Variants in FOXP2 observed in about 807,000 individuals in gnomAD.
FOXP2 encodes the protein forkhead box P2.
A neutral mutation model predicts 115.8 loss-of-function variants in FOXP2; 12 were observed. The observed-to-expected ratio is 0.10, with a 90% confidence interval of 0.07 to 0.17. FOXP2 has a LOEUF of 0.17. FOXP2 is among the 10% of genes least tolerant of loss of function. FOXP2 has a pLI of 1.00. For synonymous variants in FOXP2, 328 were observed against 297.7 expected, an observed-to-expected ratio of 1.10 and a Z score of -1.05; for missense variants, 629 against 843.5, an observed-to-expected ratio of 0.75 and a Z score of 3.15.
chr7:114,462,936 G>A, intron 2 of FOXP2: 1 of 286,244 alleles, frequency 3.5e-6, no homozygotes, highest in Non-Finnish European at 7.0e-6. Flanking sequence ...TCTTTTTATA[G>A]CAAATGATAC....
chr7:114,271,554 T>C (rs1796041805), intron 1 of FOXP2, among the ~76,000 whole-genome samples: 1 of 126,616 alleles, frequency 7.9e-6, no homozygotes, highest in Non-Finnish European at 1.6e-5. Flanking sequence ...TATATTATAA[T>C]ATATAATATA....
chr7:114,628,750 G>A (rs747426910), intron 4 of FOXP2, 73 bp downstream of exon 4: 47 of 1,583,076 alleles, frequency 3.0e-5, no homozygotes, highest in African/African-American at 2.2e-4. Context: ...AGTGCAGTGG[G>A]CATATTTGAC....
chr7:114,299,491 AT>A (rs888164418), intron 2 of FOXP2, among the ~76,000 whole-genome samples: 12 of 151,562 alleles, frequency 7.9e-5, no homozygotes, highest in South Asian at 4.1e-4. Flanking sequence ...GCTTATTTAT[AT>A]TTTTTTATTA....
At chr7:114,328,719 A>G (rs1315411212) in intron 2 of FOXP2, among the ~76,000 whole-genome samples, 1 of 152,226 alleles carries the variant, frequency 6.6e-6, no homozygotes, top group Admixed American at 6.5e-5. Flanking sequence ...TATTACCTTT[A>G]TACTGAAATA....
intron 2 of FOXP2, among the ~76,000 whole-genome samples, chr7:114,366,138 T>C (rs1272923280): frequency 6.6e-6 from 1 of 152,148 alleles, no homozygotes; most frequent in Non-Finnish European, 1.5e-5. Flanking sequence ...TTTCCAGGCA[T>C]CTTTTTTGTC....
intron 2 of FOXP2, among the ~76,000 whole-genome samples, chr7:114,328,131 G>A (rs1033325435): frequency 6.6e-6 from 1 of 151,084 alleles, no homozygotes; most frequent in Non-Finnish European, 1.5e-5. Context: ...TGTTTCCCAG[G>A]CTAGACTCAA....
At chr7:114,509,270 G>T (rs1357773950) in intron 2 of FOXP2, among the ~76,000 whole-genome samples, 2 of 151,048 alleles carry the variant, frequency 1.3e-5, no homozygotes, top group Non-Finnish European at 3.0e-5. Context: ...TGGTTTTTTT[G>T]TTTGTTTGTT....
intron 1 of FOXP2, among the ~76,000 whole-genome samples, chr7:114,222,531 G>A (rs770256219): frequency 4.6e-5 from 7 of 152,194 alleles, no homozygotes; most frequent in South Asian, 2.1e-4. Context: ...CATTTACTAC[G>A]TGCCTGGCCT....
chr7:114,212,463 G>C (rs1456497730), intron 1 of FOXP2, among the ~76,000 whole-genome samples: 3 of 151,764 alleles, frequency 2.0e-5, no homozygotes, highest in African/African-American at 7.3e-5. Flanking sequence ...CTGGCTTTGT[G>C]AGAATCAGAA....
At chr7:114,455,767 C>T (rs889962068) in intron 2 of FOXP2, among the ~76,000 whole-genome samples, 25 of 152,210 alleles carry the variant, frequency 1.6e-4, no homozygotes, top group Middle Eastern at 3.4e-3. Context: ...CTGACCCTAC[C>T]GCTTTTTCTC....
At chr7:114,257,909 G>A (rs761741328) in intron 1 of FOXP2, among the ~76,000 whole-genome samples, 1 of 152,196 alleles carries the variant, frequency 6.6e-6, no homozygotes, top group Non-Finnish European at 1.5e-5. Flanking sequence ...GGAGGCCAGG[G>A]AGTAAGAGAA....
At chr7:114,519,873 A>G (rs1798526799) in intron 2 of FOXP2, among the ~76,000 whole-genome samples, 1 of 152,100 alleles carries the variant, frequency 6.6e-6, no homozygotes, top group Non-Finnish European at 1.5e-5. Flanking sequence ...TTAATTTCCA[A>G]TTTTATCCGT....
intron 2 of FOXP2, among the ~76,000 whole-genome samples, chr7:114,385,940 G>A (rs1030059054): frequency 3.3e-5 from 5 of 152,186 alleles, no homozygotes; most frequent in Non-Finnish European, 7.3e-5. Flanking sequence ...TGCAGTGAGT[G>A]TTATAGCTCT....
intron 2 of FOXP2, among the ~76,000 whole-genome samples, chr7:114,364,271 G>A (rs1051062666): frequency 6.6e-6 from 1 of 152,084 alleles, no homozygotes; most frequent in Non-Finnish European, 1.5e-5. Context: ...TGTTAATGAA[G>A]TGGAGGTCGT....
At chr7:114,677,695 C>T (rs544938633) in intron 16 of FOXP2, among the ~76,000 whole-genome samples, 1 of 152,166 alleles carries the variant, frequency 6.6e-6, no homozygotes, top group South Asian at 2.1e-4. Context: ...CTTTAGGCAA[C>T]AAATTTGTTT....
At chr7:114,330,385 C>T (rs1228910274) in intron 2 of FOXP2, among the ~76,000 whole-genome samples, 4 of 151,214 alleles carry the variant, frequency 2.6e-5, no homozygotes, top group African/African-American at 7.3e-5. Context: ...ATAATCCTAG[C>T]ACTCTGGGTG....
At chr7:114,322,855 T>C (rs1187456875) in intron 2 of FOXP2, among the ~76,000 whole-genome samples, 1 of 152,178 alleles carries the variant, frequency 6.6e-6, no homozygotes, top group African/African-American at 2.4e-5. Flanking sequence ...TTGGTTGATA[T>C]TTATGTGTGT....
chr7:114,590,464 C>A (rs896016765), intron 3 of FOXP2, among the ~76,000 whole-genome samples: 2 of 152,132 alleles, frequency 1.3e-5, no homozygotes, highest in Non-Finnish European at 2.9e-5. Context: ...TATAGTGATA[C>A]AAGCTTTTCT....
At chr7:114,586,576 GAA>G (rs1802144108) in intron 3 of FOXP2, among the ~76,000 whole-genome samples, 1 of 151,714 alleles carries the variant, frequency 6.6e-6, no homozygotes. Flanking sequence ...TGTTGTTGCT[GAA>G]CTATTTGCTT....
Sources: allele counts gnomAD v4.1 joint callset (sites outside exome capture counted in the v4.1 genomes callset), GRCh38; gene constraint gnomAD v4.1.1; transcripts MANE v1.5; gene names NCBI Gene and HGNC (gene_info 2026-07-23, HGNC 2026-07-21).